The following PTPRR variants were observed in gnomAD, a reference collection of about 807,000 sequenced individuals.
The protein encoded by PTPRR is receptor-type tyrosine-protein phosphatase R.
PTPRR carries 38 observed loss-of-function variants against 77.2 expected under a neutral mutation model. The observed-to-expected ratio is 0.49, with a 90% CI of 0.38 to 0.65. The LOEUF (loss-of-function observed/expected upper bound fraction) is 0.65, where lower values mean the gene tolerates loss of function less well. PTPRR is among the 30% of genes least tolerant of loss of function. The probability of loss-of-function intolerance (pLI) is 0.00; values close to 1 mark genes in which losing one functional copy is unlikely to be tolerated. For missense variants in PTPRR, 744 were observed against 799.2 expected (o/e 0.93, Z 0.83); for synonymous variants, 299 against 283.1 (o/e 1.06, Z -0.57).
chr12:70,800,308 G>A (rs573927506), intron 2 of PTPRR, among the ~76,000 whole-genome samples: 3 of 150,538 alleles, frequency 2.0e-5, no homozygotes, highest in Admixed American at 1.3e-4. Flanking sequence ...GCTTGATGTG[G>A]AAGTCCATGA....
intron 2 of PTPRR, among the ~76,000 whole-genome samples, chr12:70,784,219 G>T (rs1312478485): frequency 6.6e-6 from 1 of 152,222 alleles, no homozygotes; most frequent in East Asian, 1.9e-4. Flanking sequence ...GAGCACAGGG[G>T]TACCCAGGTT....
At chr12:70,886,966 A>G (rs1322715192) in intron 2 of PTPRR, among the ~76,000 whole-genome samples, 1 of 152,236 alleles carries the variant, frequency 6.6e-6, no homozygotes, top group Admixed American at 6.5e-5. Context: ...TAAGAAGAAA[A>G]ATAATGTAGG....
intron 6 of PTPRR, among the ~76,000 whole-genome samples, chr12:70,706,420 G>A (rs1308823760): frequency 6.6e-6 from 1 of 152,030 alleles, no homozygotes; most frequent in East Asian, 1.9e-4. Flanking sequence ...ATCCTGAAGG[G>A]AAGAAATAAT....
At chr12:70,725,815 A>G (rs1046792439) in intron 6 of PTPRR, among the ~76,000 whole-genome samples, 3 of 152,184 alleles carry the variant, frequency 2.0e-5, no homozygotes, top group Non-Finnish European at 4.4e-5. Flanking sequence ...AAAGAGTTAA[A>G]TATCTGGCTC....
chr12:70,732,920 G>T (rs1031188750), intron 6 of PTPRR, among the ~76,000 whole-genome samples: 5 of 152,026 alleles, frequency 3.3e-5, no homozygotes, highest in African/African-American at 9.7e-5. Flanking sequence ...TGATGTCCAA[G>T]AACTTGTTCC....
chr12:70,904,884 C>T (rs993407717), intron 1 of PTPRR, among the ~76,000 whole-genome samples: 1 of 151,478 alleles, frequency 6.6e-6, no homozygotes, highest in Non-Finnish European at 1.5e-5. Flanking sequence ...GTGGAAAAAT[C>T]AAGTTTGGGT....
chr12:70,665,441 G>C, intron 10 of PTPRR, among the ~76,000 whole-genome samples: 1 of 123,450 alleles, frequency 8.1e-6, no homozygotes, highest in Non-Finnish European at 1.6e-5. Context: ...GAGTGCAGTG[G>C]CACAATGTCA....
intron 6 of PTPRR, among the ~76,000 whole-genome samples, chr12:70,718,388 C>T (rs970389577): frequency 2.6e-5 from 4 of 152,102 alleles, no homozygotes; most frequent in African/African-American, 9.7e-5. Flanking sequence ...GCCTCAGCCT[C>T]CCGAGTAGCT....
intron 11 of PTPRR, 76 bp from the exon 12 acceptor site, chr12:70,661,173 C>T: frequency 1.3e-6 from 2 of 1,523,728 alleles, no homozygotes; most frequent in Non-Finnish European, 8.9e-7. Context: ...ATACTGAATG[C>T]CTTTTATCAC....
chr12:70,684,234 C>A lies in PTPRR; in HGVS notation c.1390G>T (p.Ala464Ser), dbSNP rs1887777832. The A allele has an allele frequency of 6.2e-7, 1 of 1,613,888 alleles. No homozygotes were observed. Among genetic ancestry groups the A allele is most frequent in the Non-Finnish European group, 8.5e-7 (1 of 1,179,880 alleles). The part of the protein sequence containing the change: ...GYSGKEKAFI[A>S]TQGPMINTVD... ...GTGTTGATCATGGGGCCCTGCGTGG[C>A]AATGAAGGCTTTCTCCTTGCCACTG... The change falls in exon 10 of 14, where the codon GCC becomes TCC. Residue 464 changes from alanine (A) to serine (S), a missense_variant. Transcript: ENST00000283228.
chr12:70,738,300 T>A (rs1457086747), intron 6 of PTPRR, among the ~76,000 whole-genome samples: 1 of 152,204 alleles, frequency 6.6e-6, no homozygotes, highest in Non-Finnish European at 1.5e-5. Flanking sequence ...TGTTTGTTCG[T>A]TGGATATCAG....
At chr12:70,905,913 CCTT>C (rs1893614788) in intron 1 of PTPRR, among the ~76,000 whole-genome samples, 3 of 151,952 alleles carry the variant, frequency 2.0e-5, no homozygotes, top group African/African-American at 7.2e-5. Flanking sequence ...AATGTTAACA[CCTT>C]CTTCTCTAGA....
At position 70,656,820 on chromosome 12, in the gene PTPRR, GA is replaced by G. The variant is rs1886599979; in HGVS notation, c.1767-4del. On this transcript the variant is annotated splice_region_variant and splice_polypyrimidine_tract_variant and intron_variant, in intron 12 of 13. Transcript: ENST00000283228. ...ACCCTGTTCTACCTATTCCTGCACT[GA>G]AAAGAAAAGAAAAGAAATTTAAAAA... 6.6e-7 allele frequency: 1 copy of G among 1,507,988 alleles called. No homozygotes were observed. Among genetic ancestry groups the G allele is most frequent in the African/African-American group, 1.4e-5 (1 of 72,384 alleles). 93.4% of individuals were successfully genotyped at this position (1,507,988 alleles called of 1,614,324 possible). A position where few individuals can be genotyped will look rare whatever the true frequency, so the allele number is the denominator to read the frequency against.
At chr12:70,852,904 G>A (rs1040125514) in intron 2 of PTPRR, among the ~76,000 whole-genome samples, 2 of 152,158 alleles carry the variant, frequency 1.3e-5, no homozygotes, top group Non-Finnish European at 2.9e-5. Context: ...TGGTGTGCAT[G>A]CCTTATGATT....
chr12:70,675,904 GGTTA>G (rs1887428194), intron 10 of PTPRR, among the ~76,000 whole-genome samples: 2 of 139,786 alleles, frequency 1.4e-5, no homozygotes, highest in Non-Finnish European at 3.1e-5. Context: ...TTTTTTTTTT[GGTTA>G]GTTACTCTGG....
intron 11 of PTPRR, 186 bp from the exon 12 acceptor site, chr12:70,661,283 G>A: frequency 1.4e-6 from 1 of 710,142 alleles, no homozygotes; most frequent in Non-Finnish European, 2.5e-6. Flanking sequence ...TCAGTAACCT[G>A]TTTGCAAAGT....
chr12:70,850,756 C>G (rs1411810461), intron 2 of PTPRR, among the ~76,000 whole-genome samples: 5 of 152,148 alleles, frequency 3.3e-5, no homozygotes, highest in Non-Finnish European at 5.9e-5. Flanking sequence ...TCGCATTTTA[C>G]TCAGTGCCAG....
chr12:70,756,074 A>T (rs1890555909), intron 4 of PTPRR, among the ~76,000 whole-genome samples: 1 of 152,138 alleles, frequency 6.6e-6, no homozygotes, highest in Admixed American at 6.6e-5. Flanking sequence ...AAATTTGGAT[A>T]AAAAGGGGTG....
chr12:70,874,242 G>A (rs74459742), intron 2 of PTPRR, among the ~76,000 whole-genome samples: 1,548 of 152,182 alleles, frequency 0.01, 20 homozygotes, highest in South Asian at 0.059. Context: ...AACAAAAAAA[G>A]TCCCCTGATT....
Sources: allele counts gnomAD v4.1 joint callset (sites outside exome capture counted in the v4.1 genomes callset), GRCh38; gene constraint gnomAD v4.1.1; transcripts MANE v1.5; gene names NCBI Gene and HGNC (gene_info 2026-07-23, HGNC 2026-07-21).